SULT1E1: variants seen among roughly 807,000 people sequenced by gnomAD.
SULT1E1 encodes sulfotransferase 1E1.
A neutral mutation model predicts 33.6 loss-of-function variants in SULT1E1; 36 were observed. That is an observed-to-expected ratio of 1.07 (90% CI 0.82 to 1.41). The LOEUF is 1.41. Among genes scored for constraint, SULT1E1 ranks in the 40% most tolerant of loss-of-function variants. The pLI, the probability that SULT1E1 is intolerant of heterozygous loss-of-function variation, is 0.00. For synonymous variants in SULT1E1, 121 were observed against 111.7 expected, an observed-to-expected ratio of 1.08 and a Z score of -0.53; for missense variants, 371 against 345.7, an observed-to-expected ratio of 1.07 and a Z score of -0.58.
At chr4:69,859,243 C>T (rs1721315582) in intron 1 of SULT1E1, among the ~76,000 whole-genome samples, 1 of 152,068 alleles carries the variant, frequency 6.6e-6, no homozygotes, top group Admixed American at 6.6e-5. Context: ...TCTCCTTCCT[C>T]TCTTTCTTCC....
chr4:69,857,728 G>GGACC lies in SULT1E1; in HGVS notation c.-9-79_-9-76dup, dbSNP rs11573751. The GGACC allele has an allele frequency of 9.6e-4, 1,325 of 1,373,724 alleles. 2 individuals carry two copies. Among genetic ancestry groups the GGACC allele is most frequent in the Non-Finnish European group, 1.2e-3 (1,181 of 1,024,464 alleles). 85.1% of individuals were successfully genotyped at this position (1,373,724 alleles called of 1,614,324 possible). A position where few individuals can be genotyped will look rare whatever the true frequency, so the allele number is the denominator to read the frequency against. On this transcript the variant is annotated intron_variant, in intron 1 of 7. Coordinates refer to ENST00000226444, the MANE Select transcript of SULT1E1 (RefSeq NM_005420.3). ...ACCATTAACAACTATGTATATAACGGGACCCTCCTACATACCTAGCACTTC... is the reference window on the plus strand; with the variant it reads ...ACCATTAACAACTATGTATATAACGGGACCGACCCTCCTACATACCTAGCACTTC...
downstream of SULT1E1, among the ~76,000 whole-genome samples, chr4:69,839,968 T>C (rs147457077): frequency 6.6e-6 from 1 of 152,378 alleles, no homozygotes; most frequent in Non-Finnish European, 1.5e-5. Context: ...TATTATTGCT[T>C]ACTTACGTCA....
At chr4:69,846,061 T>C (rs985102169) in intron 6 of SULT1E1, among the ~76,000 whole-genome samples, 5 of 150,762 alleles carry the variant, frequency 3.3e-5, no homozygotes, top group African/African-American at 7.3e-5. Context: ...AATTGCTTTT[T>C]TGGTGATAGT....
At chr4:69,835,015 A>T in the SULT1E1 span, among the ~76,000 whole-genome samples, 3 of 152,098 alleles carry the variant, frequency 2.0e-5, no homozygotes, top group African/African-American at 7.2e-5. Context: ...TAATGCTCTC[A>T]AGTTTCTTTA....
intron 7 of SULT1E1, among the ~76,000 whole-genome samples, chr4:69,842,867 C>T (rs560559872): frequency 6.7e-5 from 10 of 149,874 alleles, no homozygotes; most frequent in South Asian, 6.3e-4. Flanking sequence ...GACAGAGTCT[C>T]GCTCTGTCAC....
At chr4:69,847,675 C>T (rs777290736) in intron 6 of SULT1E1, 23 bp downstream of exon 6, 1 of 1,476,396 alleles carries the variant, frequency 6.8e-7, no homozygotes, top group South Asian at 1.2e-5. Context: ...TACCAAGTTG[C>T]TTATGTGTTC....
the SULT1E1 span, among the ~76,000 whole-genome samples, chr4:69,826,943 C>T: frequency 3.8e-3 from 578 of 152,204 alleles, 4 homozygotes; most frequent in African/African-American, 0.014. Flanking sequence ...TAAGCCTCCT[C>T]TAATCTCCCC....
chr4:69,854,529 G>A (rs1283001706), intron 3 of SULT1E1, among the ~76,000 whole-genome samples: 1 of 151,578 alleles, frequency 6.6e-6, no homozygotes, highest in Non-Finnish European at 1.5e-5. Flanking sequence ...CATCTCATGT[G>A]CCCCATTAAT....
At chr4:69,836,342 A>G (rs1441260711), downstream of SULT1E1, among the ~76,000 whole-genome samples, 1 of 152,186 alleles carries the variant, frequency 6.6e-6, no homozygotes, top group Admixed American at 6.5e-5. Context: ...CCAACTTTAG[A>G]CTTTAAGTGG....
chr4:69,828,393 G>A, the SULT1E1 span, among the ~76,000 whole-genome samples: 1 of 152,214 alleles, frequency 6.6e-6, no homozygotes, highest in Admixed American at 6.5e-5. Context: ...GCAAGACCAT[G>A]AACCCACCAG....
downstream of SULT1E1, among the ~76,000 whole-genome samples, chr4:69,838,862 A>T (rs72648482): frequency 1.3e-5 from 2 of 152,102 alleles, no homozygotes; most frequent in African/African-American, 2.4e-5. Flanking sequence ...CCTTTATAAG[A>T]AAGTCCCAAT....
chr4:69,850,758 G>GT (rs1721084225), intron 4 of SULT1E1, among the ~76,000 whole-genome samples: 1 of 151,904 alleles, frequency 6.6e-6, no homozygotes, highest in Non-Finnish European at 1.5e-5. Context: ...AATGCTATCT[G>GT]TATTTTATAG....
chr4:69,860,065 G>A lies in SULT1E1; in HGVS notation c.-26C>T, dbSNP rs1721340158. ...AAGTACAACCTGTTTAGTTGATCCT[G>A]TGAAAGAAATTGATCTAGTTTATAT... is the stretch of plus-strand genomic sequence containing the variant. On this transcript the variant is annotated 5_prime_UTR_variant, in exon 1 of 8. Transcript: ENST00000226444. 6.6e-6 allele frequency: 1 copy of A among 152,028 alleles called. No homozygotes were observed. Among genetic ancestry groups the A allele is most frequent in the Non-Finnish European group, 1.5e-5 (1 of 67,964 alleles). The allele number at this position is 152,028 out of a possible 1,614,324, so 9.4% of individuals were successfully genotyped here. A position where few individuals can be genotyped will look rare whatever the true frequency, so the allele number is the denominator to read the frequency against.
chr4:69,849,437 C>T lies in SULT1E1; in HGVS notation c.496G>A (p.Val166Ile). The T allele has an allele frequency of 6.2e-7, 1 of 1,608,750 alleles. No homozygotes were observed. The highest frequency in any genetic ancestry group is 8.5e-7 in the Non-Finnish European group (1 of 1,176,284). The change falls in exon 5 of 8, where the codon GTT becomes ATT. Residue 166 changes from valine to isoleucine, a missense_variant and splice_region_variant. Coordinates refer to ENST00000226444, the MANE Select transcript of SULT1E1 (RefSeq NM_005420.3). Reference sequence around the variant, plus strand: ...TTCAGTGTAAAGAAGCTGTTCCTACCCTGTCCTTGCATGAATTTCTCCACA... The same window carrying T: ...TTCAGTGTAAAGAAGCTGTTCCTACTCTGTCCTTGCATGAATTTCTCCACA... The part of the protein sequence containing the change: ...EFVEKFMQGQ[V>I]PYGSWYKHVK...
At chr4:69,851,739 G>C (rs1721116913) in intron 4 of SULT1E1, among the ~76,000 whole-genome samples, 1 of 152,128 alleles carries the variant, frequency 6.6e-6, no homozygotes, top group Non-Finnish European at 1.5e-5. Flanking sequence ...ATCCAACAAT[G>C]ATAGACTGGA....
chr4:69,827,300 A>G, the SULT1E1 span, among the ~76,000 whole-genome samples: 1 of 152,216 alleles, frequency 6.6e-6, no homozygotes, highest in Non-Finnish European at 1.5e-5. Flanking sequence ...AGTAAATGAT[A>G]GAATGACAGC....
downstream of SULT1E1, among the ~76,000 whole-genome samples, chr4:69,839,058 A>G (rs1390394815): frequency 6.6e-6 from 1 of 152,178 alleles, no homozygotes; most frequent in East Asian, 1.9e-4. Context: ...CTCAAGTTGA[A>G]TTCTTAGGTA....
the SULT1E1 span, among the ~76,000 whole-genome samples, chr4:69,826,229 T>G: frequency 1.3e-5 from 2 of 152,278 alleles, no homozygotes; most frequent in South Asian, 4.2e-4. Flanking sequence ...ACATAACATC[T>G]TTATAGGATG....
rs1470212819 is a variant in SULT1E1 at position 69,857,635 on chromosome 4, CA to C, written c.9del (p.Glu4AsnfsTer15). MN[S>X]ELDYYEKFEE... Reference sequence around the variant, plus strand: ...TCAAACTTTTCATAATAGTCAAGTTCAGAATTCATTGTGGTACACTGAAAAA... The same window carrying C: ...TCAAACTTTTCATAATAGTCAAGTTCGAATTCATTGTGGTACACTGAAAAA... On this transcript the variant is annotated frameshift_variant, in exon 2 of 8. Coordinates refer to ENST00000226444, the MANE Select transcript of SULT1E1 (RefSeq NM_005420.3). LOFTEE classifies it high-confidence loss of function. 6.3e-7 allele frequency: 1 copy of C among 1,599,922 alleles called. No individual in the cohort carries two copies. Among genetic ancestry groups the C allele is most frequent in the Non-Finnish European group, 8.5e-7 (1 of 1,175,718 alleles).
Sources: gnomAD v4.1 joint callset for allele counts (sites outside exome capture counted in the v4.1 genomes callset) on GRCh38, gnomAD v4.1.1 for gene constraint, MANE v1.5 for transcripts, NCBI Gene and HGNC (gene_info 2026-07-23, HGNC 2026-07-21) for gene names.